Variants in TNIK observed in about 807,000 individuals in gnomAD.
TNIK encodes TRAF2 and NCK interacting kinase, also known as TRAF2 and NCK-interacting protein kinase.
TNIK carries 49 observed loss-of-function variants against 191.3 expected under a neutral mutation model. That is an observed-to-expected ratio of 0.26 (90% CI 0.20 to 0.32). The LOEUF (loss-of-function observed/expected upper bound fraction) is 0.32. Among genes scored for constraint, TNIK ranks in the 10% least tolerant of loss-of-function variants. TNIK has a pLI of 1.00. For synonymous variants in TNIK, 594 were observed against 600.9 expected (o/e 0.99, Z 0.17); for missense variants, 1,155 against 1,702.3 (o/e 0.68, Z 5.66).
chr3:171,191,031 GA>G (rs1738005086), intron 5 of TNIK, among the ~76,000 whole-genome samples: 1 of 152,102 alleles, frequency 6.6e-6, no homozygotes, highest in Non-Finnish European at 1.5e-5. Context: ...TTGCATATTG[GA>G]TCTGATTATC....
intron 2 of TNIK, among the ~76,000 whole-genome samples, chr3:171,367,168 C>T (rs1460207648): frequency 2.6e-5 from 4 of 152,106 alleles, no homozygotes; most frequent in African/African-American, 4.8e-5. Flanking sequence ...CTATTTATAC[C>T]TACAGTATTT....
intron 1 of TNIK, among the ~76,000 whole-genome samples, chr3:171,407,325 A>G (rs1255558267): frequency 6.6e-6 from 1 of 152,242 alleles, no homozygotes; most frequent in Non-Finnish European, 1.5e-5. Flanking sequence ...GATGACCTTC[A>G]GTGATGGTAA....
rs1716229092 is a variant in TNIK, at chr3:171,369,705, C to T, written c.58-20G>A. The T allele has an allele frequency of 6.5e-7, 1 of 1,543,010 alleles. No homozygotes were observed. Among genetic ancestry groups the T allele is most frequent in the South Asian group, 1.2e-5 (1 of 83,408 alleles). On this transcript the variant is annotated intron_variant, in intron 1 of 32. Transcript: ENST00000436636. ...GGGGTCCTGAAAGAAAATAAACAAA[C>T]AATAAAAATTCAAAACAATATTCCA...
At chr3:171,077,027 T>TGACTGA (rs1367432217) in intron 28 of TNIK, among the ~76,000 whole-genome samples, 2 of 152,108 alleles carry the variant, frequency 1.3e-5, no homozygotes, top group Non-Finnish European at 2.9e-5. Context: ...TTATTGTTCA[T>TGACTGA]GACTGAGGTA....
At chr3:171,252,458 G>A (rs1247775303) in intron 2 of TNIK, among the ~76,000 whole-genome samples, 4 of 152,132 alleles carry the variant, frequency 2.6e-5, no homozygotes, top group Non-Finnish European at 5.9e-5. Context: ...TCGTGTGCAC[G>A]ACATTATATC....
intron 1 of TNIK, among the ~76,000 whole-genome samples, chr3:171,434,882 A>G (rs1297639730): frequency 5.3e-5 from 8 of 152,136 alleles, no homozygotes; most frequent in Non-Finnish European, 1.0e-4. Flanking sequence ...ATCATCCCTC[A>G]CTTTAAAAAG....
At chr3:171,124,099 T>G (rs1728149408) in intron 17 of TNIK, among the ~76,000 whole-genome samples, 1 of 152,182 alleles carries the variant, frequency 6.6e-6, no homozygotes, top group East Asian at 1.9e-4. Flanking sequence ...GCCACCCAGA[T>G]GAAGCAAGTT....
chr3:171,445,412 C>G (rs1237641683), intron 1 of TNIK, among the ~76,000 whole-genome samples: 1 of 148,446 alleles, frequency 6.7e-6, no homozygotes, highest in African/African-American at 2.5e-5. Flanking sequence ...GAGTGAGACC[C>G]TGTCTCCAAA....
At chr3:171,354,495 C>A (rs1442044322) in intron 2 of TNIK, among the ~76,000 whole-genome samples, 1 of 152,186 alleles carries the variant, frequency 6.6e-6, no homozygotes, top group African/African-American at 2.4e-5. Context: ...CCTAGGAGTT[C>A]TCTGTGTCCT....
chr3:171,248,546 G>A (rs1406555974), intron 2 of TNIK, among the ~76,000 whole-genome samples: 1 of 152,230 alleles, frequency 6.6e-6, no homozygotes, highest in East Asian at 1.9e-4. Context: ...CATGGGGACT[G>A]AGAGACTGAC....
At chr3:171,355,343 G>T (rs532327958) in intron 2 of TNIK, among the ~76,000 whole-genome samples, 1 of 152,160 alleles carries the variant, frequency 6.6e-6, no homozygotes, top group African/African-American at 2.4e-5. Flanking sequence ...GGAATGGAAA[G>T]GTTTTGAAGT....
chr3:171,081,371 C>T (rs1004177885), intron 27 of TNIK, among the ~76,000 whole-genome samples: 1 of 151,712 alleles, frequency 6.6e-6, no homozygotes, highest in African/African-American at 2.4e-5. Context: ...CTTCGTGAAA[C>T]AATGGCTGAG....
At chr3:171,371,549 T>G (rs968277844) in intron 1 of TNIK, among the ~76,000 whole-genome samples, 2 of 152,174 alleles carry the variant, frequency 1.3e-5, no homozygotes, top group Non-Finnish European at 2.9e-5. Context: ...GTTCCAGTTA[T>G]GCCCCACCTG....
At chr3:171,079,132 A>G (rs555583015) in intron 28 of TNIK, among the ~76,000 whole-genome samples, 88 of 152,324 alleles carry the variant, frequency 5.8e-4, no homozygotes, top group African/African-American at 2.1e-3. Flanking sequence ...CTGCAGATTC[A>G]GAATTCAGAA....
intron 21 of TNIK, among the ~76,000 whole-genome samples, chr3:171,104,700 A>T (rs989260720): frequency 2.0e-5 from 3 of 151,924 alleles, no homozygotes; most frequent in African/African-American, 7.3e-5. Flanking sequence ...TTGTTTAAAA[A>T]TTTTTAGCTT....
intron 10 of TNIK, among the ~76,000 whole-genome samples, chr3:171,166,032 T>C (rs1409930390): frequency 6.6e-6 from 1 of 152,180 alleles, no homozygotes; most frequent in Non-Finnish European, 1.5e-5. Context: ...AGGTACTGTT[T>C]CCTCAAAGAT....
intron 3 of TNIK, among the ~76,000 whole-genome samples, chr3:171,218,869 T>TATATAA (rs1337867805): frequency 1.4e-4 from 19 of 133,502 alleles, no homozygotes; most frequent in Middle Eastern, 4.1e-3. Flanking sequence ...TTAATATAAA[T>TATATAA]ATATTTTATT....
At chr3:171,250,952 A>G (rs1746154466) in intron 2 of TNIK, among the ~76,000 whole-genome samples, 2 of 152,172 alleles carry the variant, frequency 1.3e-5, no homozygotes, top group South Asian at 4.1e-4. Flanking sequence ...TTATTCAAAG[A>G]CCCCAAATAC....
intron 2 of TNIK, among the ~76,000 whole-genome samples, chr3:171,238,147 G>A (rs2109026162): frequency 6.6e-6 from 1 of 152,150 alleles, no homozygotes; most frequent in East Asian, 1.9e-4. Context: ...TGGGAAGGAG[G>A]GTGAGAGGAC....
Sources: allele counts gnomAD v4.1 joint callset (sites outside exome capture counted in the v4.1 genomes callset), GRCh38; gene constraint gnomAD v4.1.1; transcripts MANE v1.5; gene names NCBI Gene and HGNC (gene_info 2026-07-23, HGNC 2026-07-21).